The following LMNTD1 variants were observed in gnomAD, a reference collection of about 807,000 sequenced individuals.
LMNTD1 encodes lamin tail domain-containing protein 1.
A neutral mutation model predicts 50.9 loss-of-function variants in LMNTD1; 35 were observed. That is an observed-to-expected ratio of 0.69 (90% CI 0.53 to 0.91). The LOEUF (loss-of-function observed/expected upper bound fraction) is 0.91. Among genes scored for constraint, LMNTD1 ranks in the 40% least tolerant of loss-of-function variants. The pLI, the probability that LMNTD1 is intolerant of heterozygous loss-of-function variation, is 0.00. For synonymous variants in LMNTD1, 153 were observed against 161.9 expected (o/e 0.94, Z 0.42); for missense variants, 470 against 475.5 (o/e 0.99, Z 0.11).
chr12:25,504,038 A>G (rs1939554606), intron 8 of LMNTD1, among the ~76,000 whole-genome samples: 1 of 152,222 alleles, frequency 6.6e-6, no homozygotes, highest in Non-Finnish European at 1.5e-5. Context: ...GATTCTTATG[A>G]AGTTCAAGTT....
At chr12:25,490,534 C>A (rs543762487) in intron 9 of LMNTD1, among the ~76,000 whole-genome samples, 1 of 152,178 alleles carries the variant, frequency 6.6e-6, no homozygotes, top group East Asian at 1.9e-4. Flanking sequence ...AAAAAGGAAA[C>A]CTCATTTTAC....
At chr12:25,568,603 T>C (rs1353550034) in intron 1 of LMNTD1, among the ~76,000 whole-genome samples, 4 of 152,182 alleles carry the variant, frequency 2.6e-5, no homozygotes, top group African/African-American at 9.7e-5. Context: ...CCCAGAGATC[T>C]AGAGTAAAGA....
chr12:25,585,396 T>A (rs991714489), intron 1 of LMNTD1, among the ~76,000 whole-genome samples: 7 of 152,240 alleles, frequency 4.6e-5, no homozygotes, highest in Non-Finnish European at 1.0e-4. Flanking sequence ...GCTGCTGCGA[T>A]TACCTTACTC....
chr12:25,510,685 T>A (rs1435457712), intron 8 of LMNTD1, among the ~76,000 whole-genome samples: 1 of 152,132 alleles, frequency 6.6e-6, no homozygotes, highest in Non-Finnish European at 1.5e-5. Flanking sequence ...TTTGGGGATA[T>A]TTTGTATTCC....
intron 1 of LMNTD1, among the ~76,000 whole-genome samples, chr12:25,559,850 A>C (rs1439668082): frequency 2.0e-5 from 3 of 152,232 alleles, no homozygotes; most frequent in African/African-American, 7.2e-5. Flanking sequence ...TCTTCTTTTG[A>C]GAAGTGTCTG....
At chr12:25,614,591 CAA>C (rs2136545641) in intron 1 of LMNTD1, among the ~76,000 whole-genome samples, 1 of 152,234 alleles carries the variant, frequency 6.6e-6, no homozygotes, top group South Asian at 2.1e-4. Flanking sequence ...TTCAGAAACC[CAA>C]AAGAGAACAG....
intron 1 of LMNTD1, among the ~76,000 whole-genome samples, chr12:25,626,465 T>C (rs545152654): frequency 2.4e-4 from 36 of 152,268 alleles, no homozygotes; most frequent in African/African-American, 8.7e-4. Context: ...CCCTTATGCA[T>C]TATAAATAGT....
intron 1 of LMNTD1, among the ~76,000 whole-genome samples, chr12:25,562,765 AG>A (rs1944389356): frequency 6.6e-6 from 1 of 152,234 alleles, no homozygotes; most frequent in South Asian, 2.1e-4. Context: ...CGTCACTTTC[AG>A]GTACACCAAT....
chr12:25,625,984 T>C (rs1946581515), intron 1 of LMNTD1, among the ~76,000 whole-genome samples: 1 of 152,244 alleles, frequency 6.6e-6, no homozygotes, highest in Non-Finnish European at 1.5e-5. Flanking sequence ...TTTCTATAAA[T>C]TCCTCCTCCT....
intron 1 of LMNTD1, among the ~76,000 whole-genome samples, chr12:25,647,419 G>T (rs1469019975): frequency 7.9e-5 from 12 of 152,194 alleles, no homozygotes; most frequent in Admixed American, 7.9e-4. Context: ...AGCCTGGGGG[G>T]GCAGAGGTTG....
Position 25,549,335 on chromosome 12 carries a change from T to C in LMNTD1, c.301A>G (p.Asn101Asp), listed in dbSNP as rs1232867337. 6.2e-7 allele frequency: 1 copy of C among 1,605,110 alleles called. No homozygotes were observed. Residue 101 changes from asparagine to aspartate, a missense_variant, in exon 3 of 10, where the codon AAC (asparagine) becomes GAC (aspartate). Transcript: ENST00000458174. ...TCCATATTTTGCTTACCCAAGCTGTTTTCCACTCTGGAACAGCTACCTACA... is the reference window on the plus strand; with the variant it reads ...TCCATATTTTGCTTACCCAAGCTGTCTTCCACTCTGGAACAGCTACCTACA... Reference protein sequence around the residue: ...ATVGSCSRVENSLDASPFSVP... With the variant: ...ATVGSCSRVEDSLDASPFSVP...
chr12:25,580,912 G>C (rs1312148528), intron 1 of LMNTD1, among the ~76,000 whole-genome samples: 1 of 152,156 alleles, frequency 6.6e-6, no homozygotes, highest in African/African-American at 2.4e-5. Context: ...TGGGGAAATG[G>C]ATACCTCCCT....
At chr12:25,478,239 C>T (rs1938335123) in intron 9 of LMNTD1, among the ~76,000 whole-genome samples, 1 of 152,044 alleles carries the variant, frequency 6.6e-6, no homozygotes, top group African/African-American at 2.4e-5. Flanking sequence ...AACTTGAACC[C>T]ATACACATCT....
intron 8 of LMNTD1, among the ~76,000 whole-genome samples, chr12:25,508,783 A>G (rs1474973244): frequency 6.6e-6 from 1 of 152,208 alleles, no homozygotes; most frequent in Non-Finnish European, 1.5e-5. Context: ...GACCTCAAGG[A>G]AAAATCTTTC....
At position 25,553,217 on chromosome 12, in the gene LMNTD1, G is replaced by A. The variant is rs1591998665; in HGVS notation, c.-179C>T. 6.5e-7 allele frequency: 1 copy of A among 1,531,078 alleles called. No individual in the cohort carries two copies. The highest frequency in any genetic ancestry group is 8.7e-7 in the Non-Finnish European group (1 of 1,143,198). The allele number at this position is 1,531,078 out of a possible 1,614,324, so 94.8% of individuals were successfully genotyped here. ...AGGATGTCGGACAAACCATGGTGCA[G>A]GTGTGTAGCATTCACTGGAAGCAGC... On this transcript the variant is annotated 5_prime_UTR_variant, in exon 1 of 10. Coordinates refer to ENST00000458174, the MANE Select transcript of LMNTD1 (RefSeq NM_001145728.2).
intron 2 of LMNTD1, among the ~76,000 whole-genome samples, chr12:25,552,113 A>G (rs1420916995): frequency 1.3e-5 from 2 of 152,236 alleles, no homozygotes; most frequent in Admixed American, 1.3e-4. Context: ...TGTATACTCA[A>G]TAAGTCAATT....
At chr12:25,603,031 T>G (rs1032609815) in intron 1 of LMNTD1, among the ~76,000 whole-genome samples, 3 of 151,920 alleles carry the variant, frequency 2.0e-5, no homozygotes, top group African/African-American at 7.2e-5. Context: ...CAGGAAGAAA[T>G]GGTAGAGGTG....
intron 1 of LMNTD1, among the ~76,000 whole-genome samples, chr12:25,632,327 G>T (rs762555403): frequency 7.2e-5 from 11 of 152,178 alleles, no homozygotes; most frequent in Non-Finnish European, 1.5e-4. Context: ...AAAGCTCTCT[G>T]CCTGGACACA....
chr12:25,560,938 A>G (rs1326400949), intron 1 of LMNTD1, among the ~76,000 whole-genome samples: 6 of 152,162 alleles, frequency 3.9e-5, no homozygotes, highest in African/African-American at 1.4e-4. Flanking sequence ...TTGGCCTGAG[A>G]TGATGGGGTT....
Sources: gnomAD v4.1 joint callset for allele counts (sites outside exome capture counted in the v4.1 genomes callset) on GRCh38, gnomAD v4.1.1 for gene constraint, MANE v1.5 for transcripts, NCBI Gene and HGNC (gene_info 2026-07-23, HGNC 2026-07-21) for gene names.